Variants in HTR7 observed in about 807,000 individuals in gnomAD.
HTR7 encodes the protein 5-HT-7.
Under a neutral mutation model 34.0 loss-of-function variants are expected in HTR7, and 16 were observed. That is an observed-to-expected ratio of 0.47 (90% CI 0.32 to 0.71). HTR7 has a LOEUF of 0.71. HTR7 is among the 30% of genes least tolerant of loss of function. The probability of loss-of-function intolerance (pLI) is 0.04; values close to 1 mark genes in which losing one functional copy is unlikely to be tolerated. For synonymous variants in HTR7, 265 were observed against 260.2 expected (o/e 1.02, Z -0.18); for missense variants, 504 against 625.5 (o/e 0.81, Z 2.07).
At chr10:90,747,168 A>G (rs997847700) in intron 2 of HTR7, among the ~76,000 whole-genome samples, 2 of 152,186 alleles carry the variant, frequency 1.3e-5, no homozygotes, top group Admixed American at 1.3e-4. Context: ...AGAAGCACCT[A>G]TTTTGCAGGT....
chr10:90,815,263 T>C (rs1845881599), intron 1 of HTR7, among the ~76,000 whole-genome samples: 1 of 152,106 alleles, frequency 6.6e-6, no homozygotes, highest in Non-Finnish European at 1.5e-5. Context: ...AGCTAATTTT[T>C]GTATTTTTAG....
intron 1 of HTR7, among the ~76,000 whole-genome samples, chr10:90,850,414 C>T (rs1846480525): frequency 2.6e-5 from 4 of 152,188 alleles, no homozygotes; most frequent in Admixed American, 6.5e-5. Context: ...GTCCAATATG[C>T]CTGCCTAGCA....
chr10:90,756,347 T>C (rs577354117), intron 1 of HTR7, among the ~76,000 whole-genome samples: 2 of 152,362 alleles, frequency 1.3e-5, no homozygotes, highest in East Asian at 3.9e-4. Context: ...CGGATGTATG[T>C]AAATCAGGTT....
chr10:90,850,320 G>A (rs1211820992), intron 1 of HTR7, among the ~76,000 whole-genome samples: 1 of 152,212 alleles, frequency 6.6e-6, no homozygotes, highest in Non-Finnish European at 1.5e-5. Context: ...CTAGAAAGAG[G>A]CATCTGCCAG....
chr10:90,841,843 T>C (rs1589478337), intron 1 of HTR7, among the ~76,000 whole-genome samples: 1 of 151,986 alleles, frequency 6.6e-6, no homozygotes, highest in African/African-American at 2.4e-5. Context: ...CTACTAAAAA[T>C]ACAAAAATTA....
intron 1 of HTR7, among the ~76,000 whole-genome samples, chr10:90,841,047 C>T (rs1846321609): frequency 6.6e-6 from 1 of 152,202 alleles, no homozygotes; most frequent in South Asian, 2.1e-4. Context: ...AGTCTAAGAG[C>T]ACAGACCATG....
intron 1 of HTR7, among the ~76,000 whole-genome samples, chr10:90,831,230 C>A (rs1207311395): frequency 6.6e-6 from 1 of 152,184 alleles, no homozygotes; most frequent in Non-Finnish European, 1.5e-5. Flanking sequence ...AGACCCTCGC[C>A]GTGAGTGTTA....
At chr10:90,853,667 T>G (rs1589484517) in intron 1 of HTR7, among the ~76,000 whole-genome samples, 2 of 152,160 alleles carry the variant, frequency 1.3e-5, no homozygotes, top group Non-Finnish European at 1.5e-5. Flanking sequence ...CTTTCTTGGA[T>G]GACAAGATAT....
intron 1 of HTR7, among the ~76,000 whole-genome samples, chr10:90,808,398 CCCTTCT>C (rs1451869325): frequency 6.6e-6 from 1 of 152,078 alleles, no homozygotes; most frequent in African/African-American, 2.4e-5. Flanking sequence ...AACTCCCAAC[CCCTTCT>C]CCTTCATCCT....
intron 1 of HTR7, among the ~76,000 whole-genome samples, chr10:90,834,847 G>T (rs113480440): frequency 2.8e-4 from 42 of 152,314 alleles, no homozygotes; most frequent in Non-Finnish European, 5.6e-4. Context: ...TTCTGTGTAG[G>T]AAGGGGTGCA....
At chr10:90,764,161 G>T (rs1356621749) in intron 1 of HTR7, among the ~76,000 whole-genome samples, 2 of 152,076 alleles carry the variant, frequency 1.3e-5, no homozygotes, top group African/African-American at 4.8e-5. Flanking sequence ...CTGACTGGCT[G>T]GAGATGGTAT....
At chr10:90,840,177 T>TCACACACACACACACA (rs35170324) in intron 1 of HTR7, among the ~76,000 whole-genome samples, 1 of 136,802 alleles carries the variant, frequency 7.3e-6, no homozygotes, top group African/African-American at 2.7e-5. Context: ...TCTCTCTCTC[T>TCACACACACACACACA]CACACACACA....
chr10:90,846,950 C>T (rs940883302), intron 1 of HTR7, among the ~76,000 whole-genome samples: 9 of 152,224 alleles, frequency 5.9e-5, no homozygotes, highest in African/African-American at 2.2e-4. Context: ...TGCCTTCCTG[C>T]TCCCTCTCTG....
At chr10:90,751,038 G>A (rs997032845) in intron 1 of HTR7, among the ~76,000 whole-genome samples, 3 of 152,164 alleles carry the variant, frequency 2.0e-5, no homozygotes, top group Non-Finnish European at 4.4e-5. Flanking sequence ...TAATGTTGAA[G>A]GGAACTTCTG....
chr10:90,765,171 T>G (rs1425984507), intron 1 of HTR7, among the ~76,000 whole-genome samples: 1 of 152,160 alleles, frequency 6.6e-6, no homozygotes, highest in Non-Finnish European at 1.5e-5. Flanking sequence ...GACTTTAGTT[T>G]GTTGGGAGGT....
At chr10:90,841,978 C>A (rs1846336170) in intron 1 of HTR7, among the ~76,000 whole-genome samples, 1 of 152,028 alleles carries the variant, frequency 6.6e-6, no homozygotes, top group Non-Finnish European at 1.5e-5. Context: ...TCAGCCTGGG[C>A]ATAGAGCAAG....
At chr10:90,785,477 A>G (rs1479197876) in intron 1 of HTR7, among the ~76,000 whole-genome samples, 1 of 152,118 alleles carries the variant, frequency 6.6e-6, no homozygotes, top group Non-Finnish European at 1.5e-5. Context: ...AATTCCTTTG[A>G]TACCTTCGTA....
chr10:90,820,739 T>C (rs540427630), intron 1 of HTR7, among the ~76,000 whole-genome samples: 11 of 152,268 alleles, frequency 7.2e-5, no homozygotes, highest in African/African-American at 2.4e-4. Flanking sequence ...TACAAAGCAT[T>C]TACCCAGACA....
intron 1 of HTR7, among the ~76,000 whole-genome samples, chr10:90,838,116 A>AT (rs1282086539): frequency 1.3e-5 from 2 of 151,856 alleles, no homozygotes; most frequent in Admixed American, 6.6e-5. Context: ...ATCACAACCA[A>AT]TTTTTTACCT....
Sources: gnomAD v4.1 joint callset for allele counts (sites outside exome capture counted in the v4.1 genomes callset) on GRCh38, gnomAD v4.1.1 for gene constraint, MANE v1.5 for transcripts, NCBI Gene and HGNC (gene_info 2026-07-23, HGNC 2026-07-21) for gene names.